PCTP: variants seen among roughly 807,000 people sequenced by gnomAD.
PCTP encodes phosphatidylcholine transfer protein.
In PCTP, 27 loss-of-function variants were observed where a neutral mutation model predicts 31.0. The observed-to-expected ratio is 0.87, with a 90% confidence interval of 0.64 to 1.20. The LOEUF (loss-of-function observed/expected upper bound fraction) is 1.20. Ranked by LOEUF, PCTP falls within the 50% of genes most tolerant of loss-of-function variation. The pLI, the probability that PCTP is intolerant of heterozygous loss-of-function variation, is 0.00. For missense variants in PCTP, 287 were observed against 268.2 expected (o/e 1.07, Z -0.49); for synonymous variants, 108 against 101.2 (o/e 1.07, Z -0.40).
At chr17:55,819,591 T>C (rs1278393068) in intron 3 of PCTP, among the ~76,000 whole-genome samples, 1 of 151,680 alleles carries the variant, frequency 6.6e-6, no homozygotes, top group Non-Finnish European at 1.5e-5. Flanking sequence ...ATCCACAAAA[T>C]AAATAAACAA....
intron 2 of PCTP, among the ~76,000 whole-genome samples, chr17:55,768,469 G>C (rs934430472): frequency 2.0e-5 from 3 of 152,200 alleles, no homozygotes; most frequent in Non-Finnish European, 4.4e-5. Context: ...CTAGGCTCAG[G>C]GATCAGCATT....
intron 3 of PCTP, 95 bp from the exon 4 acceptor site, chr17:55,773,629 C>A: frequency 1.6e-6 from 2 of 1,224,598 alleles, no homozygotes; most frequent in Non-Finnish European, 2.3e-6. Flanking sequence ...AAGTGGGAGG[C>A]ACAGAATCAC....
chr17:55,778,624 C>T (rs187676022), downstream of PCTP, among the ~76,000 whole-genome samples: 22 of 152,038 alleles, frequency 1.4e-4, no homozygotes, highest in Admixed American at 8.5e-4. Context: ...GCGGGGTGGG[C>T]GGTTTCTAGA....
At chr17:55,754,729 T>G (rs1238507840) in intron 1 of PCTP, among the ~76,000 whole-genome samples, 2 of 152,158 alleles carry the variant, frequency 1.3e-5, no homozygotes, top group African/African-American at 4.8e-5. Context: ...GGAATGAAGT[T>G]CTTGCAACTC....
At chr17:55,767,237 C>T in intron 1 of PCTP, 98 bp from the exon 2 acceptor site, 1 of 617,138 alleles carries the variant, frequency 1.6e-6, no homozygotes. Context: ...ATGGTAGTTT[C>T]TTTTGCTGTG....
chr17:55,798,399 C>T (rs1308420029), intron 3 of PCTP, among the ~76,000 whole-genome samples: 2 of 151,736 alleles, frequency 1.3e-5, no homozygotes, highest in South Asian at 2.1e-4. Flanking sequence ...AACAAAAATC[C>T]TTCCAAAAAA....
intron 3 of PCTP, among the ~76,000 whole-genome samples, chr17:55,815,665 GA>G (rs1333346687): frequency 6.6e-6 from 1 of 152,060 alleles, no homozygotes; most frequent in African/African-American, 2.4e-5. Flanking sequence ...TAGTCTAAAG[GA>G]AAAAAATCCC....
intron 3 of PCTP, among the ~76,000 whole-genome samples, chr17:55,814,296 A>G (rs1912844287): frequency 6.6e-6 from 1 of 152,238 alleles, no homozygotes; most frequent in South Asian, 2.1e-4. Context: ...TGAGGATTAG[A>G]TAAGAGGAGA....
intron 3 of PCTP, among the ~76,000 whole-genome samples, chr17:55,794,113 A>G (rs1011215136): frequency 2.6e-5 from 4 of 152,064 alleles, no homozygotes; most frequent in Non-Finnish European, 5.9e-5. Context: ...CCAGAACAAA[A>G]CCAACCTCCT....
intron 2 of PCTP, among the ~76,000 whole-genome samples, chr17:55,785,393 C>T (rs1911710703): frequency 6.6e-6 from 1 of 152,252 alleles, no homozygotes; most frequent in Non-Finnish European, 1.5e-5. Flanking sequence ...ACTGCAGCTT[C>T]AGAAGACCTC....
rs1246483304 is a variant in PCTP at position 55,776,463 on chromosome 17, G to A, written c.*363G>A. On this transcript the variant is annotated 3_prime_UTR_variant, in exon 6 of 6. Transcript: ENST00000268896. ...CGATCATTCCATTGTGCAATTTTACGGGGATGGGTGGGCGGAGGGACACAA... is the reference window on the plus strand; with the variant it reads ...CGATCATTCCATTGTGCAATTTTACAGGGATGGGTGGGCGGAGGGACACAA... 5.7e-6 allele frequency: 7 copies of A among 1,232,146 alleles called. No homozygotes were observed. The highest frequency in any genetic ancestry group is 1.6e-5 in the African/African-American group (1 of 64,412). 76.3% of individuals were successfully genotyped at this position (1,232,146 alleles called of 1,614,324 possible).
intron 1 of PCTP, among the ~76,000 whole-genome samples, chr17:55,755,815 C>T (rs1357234046): frequency 6.6e-6 from 1 of 152,078 alleles, no homozygotes; most frequent in Non-Finnish European, 1.5e-5. Flanking sequence ...TTCACTTATC[C>T]TTCTAAAGAG....
downstream of PCTP, among the ~76,000 whole-genome samples, chr17:55,779,911 A>G (rs573926733): frequency 7.9e-5 from 12 of 152,284 alleles, no homozygotes; most frequent in South Asian, 2.5e-3. Context: ...CTCTGTCTCT[A>G]TTGGCCCATG....
intron 3 of PCTP, among the ~76,000 whole-genome samples, chr17:55,815,085 C>T (rs895644705): frequency 7.2e-5 from 11 of 152,184 alleles, no homozygotes; most frequent in African/African-American, 2.2e-4. Context: ...TCTTTGTAAA[C>T]TTCTCTAAAA....
intron 3 of PCTP, among the ~76,000 whole-genome samples, chr17:55,798,933 G>C (rs1912276925): frequency 6.6e-6 from 1 of 151,750 alleles, no homozygotes; most frequent in Non-Finnish European, 1.5e-5. Flanking sequence ...AAGACAGCAA[G>C]GGTAAATATT....
At chr17:55,838,862 A>C (rs999939623) in intron 5 of PCTP, among the ~76,000 whole-genome samples, 1 of 152,178 alleles carries the variant, frequency 6.6e-6, no homozygotes, top group African/African-American at 2.4e-5. Flanking sequence ...CAGTATTAAA[A>C]AGCTAGTCTA....
chr17:55,775,745 G>A, intron 5 of PCTP: 1 of 1,258,540 alleles, frequency 7.9e-7, no homozygotes, highest in Non-Finnish European at 1.0e-6. Context: ...CCCATTTCTT[G>A]TGTTTTCTTT....
chr17:55,838,726 G>A (rs1188998323), intron 5 of PCTP, among the ~76,000 whole-genome samples: 1 of 152,148 alleles, frequency 6.6e-6, no homozygotes, highest in Non-Finnish European at 1.5e-5. Context: ...CATTATCCCA[G>A]ACCTCACCAC....
intron 1 of PCTP, among the ~76,000 whole-genome samples, chr17:55,762,224 G>A (rs1371845376): frequency 1.3e-5 from 2 of 152,152 alleles, no homozygotes; most frequent in African/African-American, 4.8e-5. Context: ...TCAGGGGCCT[G>A]GAGGAAGGAG....
Sources: gnomAD v4.1 joint callset for allele counts (sites outside exome capture counted in the v4.1 genomes callset) on GRCh38, gnomAD v4.1.1 for gene constraint, MANE v1.5 for transcripts, NCBI Gene and HGNC (gene_info 2026-07-23, HGNC 2026-07-21) for gene names.